Variants in ALK observed in about 807,000 individuals in gnomAD.
ALK encodes the protein ALK receptor tyrosine kinase.
A neutral mutation model predicts 163.1 loss-of-function variants in ALK; 74 were observed. The observed-to-expected ratio is 0.45, with a 90% CI of 0.38 to 0.55. The LOEUF (loss-of-function observed/expected upper bound fraction) is 0.55. ALK is among the 20% of genes least tolerant of loss of function. ALK has a pLI of 0.00. For missense variants in ALK, 2,063 were observed against 2,105.3 expected (o/e 0.98, Z 0.39); for synonymous variants, 960 against 843.2 (o/e 1.14, Z -2.40).
intron 4 of ALK, among the ~76,000 whole-genome samples, chr2:29,402,839 C>T (rs749774670): frequency 3.9e-5 from 6 of 152,166 alleles, no homozygotes; most frequent in African/African-American, 1.4e-4. Flanking sequence ...AGCACACCAT[C>T]GCTTTCTGTT....
intron 1 of ALK, among the ~76,000 whole-genome samples, chr2:29,869,833 C>T (rs1666531750): frequency 6.6e-6 from 1 of 151,774 alleles, no homozygotes; most frequent in Admixed American, 6.6e-5. Context: ...GAACAAATAC[C>T]AAAAACAAAC....
chr2:29,916,352 T>C (rs1300581307), intron 1 of ALK, among the ~76,000 whole-genome samples: 5 of 152,254 alleles, frequency 3.3e-5, no homozygotes, highest in Admixed American at 2.0e-4. Context: ...ATTGTTACCA[T>C]GGCTTTCCCT....
At chr2:29,812,766 T>A (rs976578710) in intron 1 of ALK, among the ~76,000 whole-genome samples, 2 of 152,150 alleles carry the variant, frequency 1.3e-5, no homozygotes, top group Non-Finnish European at 2.9e-5. Flanking sequence ...AGGGCTGCAT[T>A]TCCTCTACAA....
intron 3 of ALK, among the ~76,000 whole-genome samples, chr2:29,638,254 C>T (rs577649728): frequency 3.3e-5 from 5 of 152,294 alleles, no homozygotes; most frequent in African/African-American, 7.2e-5. Flanking sequence ...TCTACCACAC[C>T]AAGTTATTGT....
intron 9 of ALK, among the ~76,000 whole-genome samples, chr2:29,284,587 C>T (rs371484870): frequency 6.6e-6 from 1 of 152,212 alleles, no homozygotes; most frequent in Non-Finnish European, 1.5e-5. Flanking sequence ...CAACTGCCTC[C>T]TAAACCAAGC....
chr2:29,235,674 G>A (rs1033735871), intron 13 of ALK, among the ~76,000 whole-genome samples: 1 of 151,900 alleles, frequency 6.6e-6, no homozygotes. Context: ...GCTGGGCAGA[G>A]CACAGGATTC....
intron 3 of ALK, among the ~76,000 whole-genome samples, chr2:29,639,967 C>A (rs922537118): frequency 6.6e-6 from 1 of 152,142 alleles, no homozygotes; most frequent in African/African-American, 2.4e-5. Context: ...TGGGTCTTGA[C>A]GTTCAACTTA....
chr2:29,371,173 C>T (rs1479189956), intron 5 of ALK, among the ~76,000 whole-genome samples: 3 of 152,232 alleles, frequency 2.0e-5, no homozygotes, highest in South Asian at 2.1e-4. Flanking sequence ...AACTGTCTGC[C>T]AATGTTTCCT....
At chr2:29,230,819 C>T (rs567522814) in intron 15 of ALK, among the ~76,000 whole-genome samples, 2 of 152,098 alleles carry the variant, frequency 1.3e-5, no homozygotes, top group Non-Finnish European at 2.9e-5. Flanking sequence ...CCCTTAGGCG[C>T]GTTAGGGGCC....
intron 1 of ALK, among the ~76,000 whole-genome samples, chr2:29,765,706 A>C (rs1198671318): frequency 3.3e-5 from 5 of 152,204 alleles, no homozygotes; most frequent in African/African-American, 9.6e-5. Flanking sequence ...TGAGCAAAGA[A>C]ATAACCTCTA....
intron 4 of ALK, among the ~76,000 whole-genome samples, chr2:29,500,583 C>G (rs1672146529): frequency 6.6e-6 from 1 of 151,950 alleles, no homozygotes; most frequent in African/African-American, 2.4e-5. Flanking sequence ...CTGGAACCAT[C>G]CCTTTATCCT....
chr2:29,422,009 A>G (rs2148067651), intron 4 of ALK, among the ~76,000 whole-genome samples: 1 of 151,584 alleles, frequency 6.6e-6, no homozygotes, highest in African/African-American at 2.4e-5. Flanking sequence ...GGTTGTTTCC[A>G]TTCTGGAATT....
intron 25 of ALK, 54 bp downstream of exon 25, chr2:29,209,732 G>C (rs2148154815): frequency 7.4e-7 from 1 of 1,345,616 alleles, no homozygotes. Context: ...CCCCATTCTT[G>C]AGGGGCTGAG....
chr2:29,511,403 T>C (rs576562199), intron 4 of ALK, among the ~76,000 whole-genome samples: 3 of 152,348 alleles, frequency 2.0e-5, no homozygotes, highest in East Asian at 3.9e-4. Flanking sequence ...TATGTGGTCT[T>C]TGTGCCTGGC....
intron 1 of ALK, among the ~76,000 whole-genome samples, chr2:29,898,968 G>A (rs1206968891): frequency 6.6e-6 from 1 of 152,178 alleles, no homozygotes; most frequent in African/African-American, 2.4e-5. Flanking sequence ...TGCTCACAGA[G>A]CCTCTGCTTT....
intron 1 of ALK, among the ~76,000 whole-genome samples, chr2:29,778,586 G>A (rs1289766695): frequency 6.6e-6 from 1 of 152,204 alleles, no homozygotes; most frequent in Non-Finnish European, 1.5e-5. Flanking sequence ...TGTGCAGCAG[G>A]AGTGAGGTGG....
At chr2:29,341,814 G>A (rs1223518895) in intron 5 of ALK, among the ~76,000 whole-genome samples, 1 of 152,202 alleles carries the variant, frequency 6.6e-6, no homozygotes, top group Non-Finnish European at 1.5e-5. Context: ...CCTGGAAACG[G>A]GTAGAGTCCC....
chr2:29,826,859 C>G (rs1665217312), intron 1 of ALK, among the ~76,000 whole-genome samples: 1 of 152,226 alleles, frequency 6.6e-6, no homozygotes, highest in Non-Finnish European at 1.5e-5. Flanking sequence ...TGTTTTTACC[C>G]AAGCTCATGG....
chr2:29,874,082 G>A (rs910645492), intron 1 of ALK, among the ~76,000 whole-genome samples: 5 of 152,094 alleles, frequency 3.3e-5, no homozygotes, highest in Non-Finnish European at 5.9e-5. Flanking sequence ...ATTAACTACT[G>A]ACCAAATATA....
Sources: allele counts gnomAD v4.1 joint callset (sites outside exome capture counted in the v4.1 genomes callset), GRCh38; gene constraint gnomAD v4.1.1; transcripts MANE v1.5; gene names NCBI Gene and HGNC (gene_info 2026-07-23, HGNC 2026-07-21).